The following SPIN1 variants were observed in gnomAD, a reference collection of about 807,000 sequenced individuals.
The protein encoded by SPIN1 is spindlin 1, also known as spindlin-1.
Under a neutral mutation model 26.0 loss-of-function variants are expected in SPIN1, and 3 were observed. The observed-to-expected ratio is 0.12, with a 90% CI of 0.05 to 0.30. SPIN1 has a LOEUF of 0.30. Ranked by LOEUF, SPIN1 falls within the 10% of genes least tolerant of loss-of-function variation. SPIN1 has a pLI of 1.00. For synonymous variants in SPIN1, 101 were observed against 116.5 expected (o/e 0.87, Z 0.86); for missense variants, 126 against 333.4 (o/e 0.38, Z 4.84).
chr9:88,401,826 T>C (rs1827193249), intron 1 of SPIN1, among the ~76,000 whole-genome samples: 2 of 152,204 alleles, frequency 1.3e-5, no homozygotes, highest in African/African-American at 4.8e-5. Flanking sequence ...TATGTGTCTG[T>C]TTTAAGCCTT....
At chr9:88,467,187 A>C (rs1460425871) in intron 4 of SPIN1, among the ~76,000 whole-genome samples, 1 of 152,124 alleles carries the variant, frequency 6.6e-6, no homozygotes, top group Admixed American at 6.6e-5. Context: ...GAAGGTGATA[A>C]TTTTCACCAC....
chr9:88,412,176 C>G (rs1040602303), intron 1 of SPIN1, among the ~76,000 whole-genome samples: 6 of 151,674 alleles, frequency 4.0e-5, no homozygotes, highest in African/African-American at 1.5e-4. Flanking sequence ...GAGACTGCAT[C>G]TCAAAAAAAA....
intron 1 of SPIN1, among the ~76,000 whole-genome samples, chr9:88,424,986 T>G (rs1435026177): frequency 2.0e-5 from 3 of 152,196 alleles, no homozygotes; most frequent in Non-Finnish European, 4.4e-5. Context: ...ACTAGTGTTA[T>G]GGCATGTGCT....
intron 4 of SPIN1, 53 bp from the exon 5 acceptor site, chr9:88,468,319 C>A: frequency 7.6e-7 from 1 of 1,319,156 alleles, no homozygotes; most frequent in South Asian, 1.6e-5. Context: ...TCTTCATAGT[C>A]GGTAATCAGC....
chr9:88,473,158 C>A (rs957821420), intron 5 of SPIN1, among the ~76,000 whole-genome samples: 1 of 151,988 alleles, frequency 6.6e-6, no homozygotes, highest in East Asian at 1.9e-4. Flanking sequence ...TTTGGGAGGC[C>A]GAGGCGGGCG....
At chr9:88,449,656 C>A (rs1828319797) in intron 3 of SPIN1, among the ~76,000 whole-genome samples, 1 of 152,010 alleles carries the variant, frequency 6.6e-6, no homozygotes, top group South Asian at 2.1e-4. Context: ...TTATAATATT[C>A]ACTTTTACTT....
chr9:88,442,698 T>C (rs1828162009), intron 2 of SPIN1, among the ~76,000 whole-genome samples: 1 of 152,092 alleles, frequency 6.6e-6, no homozygotes, highest in South Asian at 2.1e-4. Context: ...ATTTTTTTTT[T>C]CTTTACCTTT....
At chr9:88,400,917 G>C (rs372363988) in intron 1 of SPIN1, among the ~76,000 whole-genome samples, 1 of 152,254 alleles carries the variant, frequency 6.6e-6, no homozygotes, top group South Asian at 2.1e-4. Flanking sequence ...GGAGGCTGAG[G>C]TGGGAGGATC....
At chr9:88,389,864 T>A (rs573356498) in intron 1 of SPIN1, among the ~76,000 whole-genome samples, 1 of 152,272 alleles carries the variant, frequency 6.6e-6, no homozygotes, top group South Asian at 2.1e-4. Context: ...TTTTTAACAC[T>A]CTTTTGAAGT....
At chr9:88,468,119 T>TA (rs1309875421) in intron 4 of SPIN1, among the ~76,000 whole-genome samples, 2 of 152,100 alleles carry the variant, frequency 1.3e-5, no homozygotes, top group African/African-American at 4.8e-5. Flanking sequence ...TCCAGAAAAA[T>TA]AAAAAATCAT....
intron 1 of SPIN1, among the ~76,000 whole-genome samples, chr9:88,396,440 A>G (rs1394679017): frequency 2.0e-5 from 3 of 151,630 alleles, no homozygotes; most frequent in Non-Finnish European, 4.4e-5. Context: ...CGTCTCTACT[A>G]AAAATACAAA....
At position 88,448,952 on chromosome 9, in the gene SPIN1, G is replaced by T. The variant is rs1276332216; in HGVS notation, c.64G>T (p.Val22Leu). The change falls in exon 3 of 6, where the codon GTA (valine) becomes TTA (leucine). Residue 22 changes from valine to leucine, a missense_variant. By Grantham distance (32) the Val-to-Leu change is conservative. Transcript: ENST00000375859. ...CATCTCTCTTACAGGCCATGCTGGA[G>T]TATCTGCCAACATGATGAAGAAGAG... ...RSRADAGHAG[V>L]SANMMKKRTS... 32 of 1,612,932 alleles carry T rather than the reference G, an allele frequency of 2.0e-5. No homozygotes were observed. The highest frequency in any genetic ancestry group is 2.5e-5 in the Non-Finnish European group (30 of 1,179,764).
rs1044398034 is a variant in SPIN1, at chr9:88,443,127, A to C, written c.53-5814A>C. On this transcript the variant is annotated intron_variant, in intron 2 of 5. Coordinates refer to ENST00000375859, the MANE Select transcript of SPIN1 (RefSeq NM_006717.3). ...AGAACGAGACTCCATCTCAAAAAAA[A>C]AAAAAAACAAAAAAAAACTCAGTCT... Among the ~76,000 whole-genome samples the C allele has an allele frequency of 1.8e-4, 27 of 151,822 alleles. 2 individuals carry two copies. Among genetic ancestry groups the C allele is most frequent in the African/African-American group, 5.1e-4 (21 of 41,356 alleles).
intron 1 of SPIN1, among the ~76,000 whole-genome samples, chr9:88,421,210 T>C (rs551872206): frequency 7.2e-4 from 109 of 152,304 alleles, no homozygotes; most frequent in African/African-American, 1.1e-3. Flanking sequence ...ACAATGTCTT[T>C]GTTGTGCTTT....
intron 1 of SPIN1, among the ~76,000 whole-genome samples, chr9:88,424,732 A>G (rs572133458): frequency 7.9e-5 from 12 of 152,350 alleles, no homozygotes; most frequent in Non-Finnish European, 1.5e-4. Flanking sequence ...GTTATTGTTG[A>G]TAAAAAGGTC....
At chr9:88,429,804 T>C (rs775817503) in intron 2 of SPIN1, among the ~76,000 whole-genome samples, 4 of 152,168 alleles carry the variant, frequency 2.6e-5, no homozygotes, top group Non-Finnish European at 5.9e-5. Flanking sequence ...CCTGATCCTT[T>C]AGTCATGCCT....
chr9:88,461,030 C>T (rs902705097), intron 3 of SPIN1, among the ~76,000 whole-genome samples: 9 of 152,172 alleles, frequency 5.9e-5, no homozygotes, highest in Non-Finnish European at 8.8e-5. Flanking sequence ...AAGATACTTT[C>T]GTATGTTGTC....
chr9:88,462,403 C>T, intron 3 of SPIN1, 93 bp from the exon 4 acceptor site: 1 of 1,507,574 alleles, frequency 6.6e-7, no homozygotes, highest in Non-Finnish European at 8.9e-7. Flanking sequence ...TTGGGACCAT[C>T]TGTAATGAGA....
chr9:88,419,332 A>G (rs948722242), intron 1 of SPIN1, among the ~76,000 whole-genome samples: 8 of 152,000 alleles, frequency 5.3e-5, no homozygotes, highest in African/African-American at 1.5e-4. Flanking sequence ...AAATTAGCCA[A>G]TTGGAAATAG....
Sources: gnomAD v4.1 joint callset for allele counts (sites outside exome capture counted in the v4.1 genomes callset) on GRCh38, gnomAD v4.1.1 for gene constraint, MANE v1.5 for transcripts, NCBI Gene and HGNC (gene_info 2026-07-23, HGNC 2026-07-21) for gene names.